The following UBXN2B variants were observed in gnomAD, a reference collection of about 807,000 sequenced individuals.
UBXN2B encodes the protein UBX domain-containing protein 2B.
A neutral mutation model predicts 37.5 loss-of-function variants in UBXN2B; 19 were observed. The ratio of observed to expected loss-of-function variants is 0.51; its 90% CI spans 0.35 to 0.74. The LOEUF (loss-of-function observed/expected upper bound fraction) is 0.74, where lower values mean the gene tolerates loss of function less well. Among genes scored for constraint, UBXN2B ranks in the 30% least tolerant of loss-of-function variants. The pLI is 0.01. For synonymous variants in UBXN2B, 145 were observed against 143.8 expected, an observed-to-expected ratio of 1.01 and a Z score of -0.06; for missense variants, 370 against 393.2, an observed-to-expected ratio of 0.94 and a Z score of 0.50.
intron 1 of UBXN2B, among the ~76,000 whole-genome samples, chr8:58,414,638 A>C (rs981577725): frequency 3.3e-5 from 5 of 152,034 alleles, no homozygotes; most frequent in Non-Finnish European, 7.4e-5. Context: ...ATGTAATGTC[A>C]TCTATGTTAA....
intron 2 of UBXN2B, among the ~76,000 whole-genome samples, chr8:58,418,241 C>CAAAA (rs56073006): frequency 1.8e-5 from 2 of 109,104 alleles, no homozygotes; most frequent in African/African-American, 3.7e-5. Context: ...ACTCTGTCTC[C>CAAAA]AAAAAAAAAA....
At chr8:58,411,545 G>A in intron 1 of UBXN2B, 76 bp downstream of exon 1, 1 of 1,130,816 alleles carries the variant, frequency 8.8e-7, no homozygotes, top group African/African-American at 1.6e-5. Context: ...GCGAGTTGGA[G>A]GCCACCTCTG....
intron 3 of UBXN2B, among the ~76,000 whole-genome samples, chr8:58,432,265 G>C (rs1808298396): frequency 2.0e-5 from 3 of 151,612 alleles, no homozygotes; most frequent in African/African-American, 7.3e-5. Context: ...TAAGGTGTGA[G>C]GTTGACACCA....
Position 58,447,374 on chromosome 8 carries a change from G to T in UBXN2B, c.834-15G>T. Reference sequence around the variant, plus strand: ...ATTTTTTATATTACAAATTATTTTTGTCTTATTTCTTCAGGATCCTGGATG... The same window carrying T: ...ATTTTTTATATTACAAATTATTTTTTTCTTATTTCTTCAGGATCCTGGATG... On this transcript the variant is annotated splice_polypyrimidine_tract_variant and intron_variant, in intron 7 of 7. Transcript: ENST00000399598. 2 of 1,534,900 alleles carry T rather than the reference G, an allele frequency of 1.3e-6. No homozygotes were observed. Among genetic ancestry groups the T allele is most frequent in the Middle Eastern group, 2.4e-4 (1 of 4,182 alleles).
chr8:58,439,534 G>T, intron 5 of UBXN2B, 99 bp from the exon 6 acceptor site: 1 of 1,416,754 alleles, frequency 7.1e-7, no homozygotes, highest in East Asian at 2.5e-5. Context: ...AAAAAATTCT[G>T]TTTTCCAGTG....
intron 6 of UBXN2B, among the ~76,000 whole-genome samples, chr8:58,442,762 A>G (rs758999795): frequency 3.3e-5 from 5 of 152,220 alleles, no homozygotes; most frequent in Non-Finnish European, 7.3e-5. Flanking sequence ...AGGGAGGACT[A>G]GCGAGTAGGC....
chr8:58,411,442 G>A lies in UBXN2B; in HGVS notation c.57G>A (p.Pro19=). The A allele has an allele frequency of 7.9e-7, 1 of 1,258,494 alleles. No homozygotes were observed. The highest frequency in any genetic ancestry group is 1.0e-6 in the Non-Finnish European group (1 of 996,116). The allele number at this position is 1,258,494 out of a possible 1,614,324, so 78.0% of individuals were successfully genotyped here. ...AGCAGGAGAGGAGGTCTTCCGGGCC[G>A]CGGCCTCCGAGCGCGCGGGATTTGC... ...PGEQERRSSG[P]RPPSARDLQL... Residue 19 remains proline (P), a synonymous_variant, in exon 1 of 8, where the codon CCG becomes CCA. Transcript: ENST00000399598.
rs138807574 is a variant in UBXN2B, at chr8:58,437,901, A to G, written c.534-1732A>G. ...AGAGCCTAGCCTAGTGCTACTAATC[A>G]AGATGATGGGAAGAAAGCCTTGAAG... On this transcript the variant is annotated intron_variant, in intron 5 of 7. Transcript: ENST00000399598. Among the ~76,000 whole-genome samples the G allele has an allele frequency of 3.5e-3, 538 of 152,218 alleles. 6 individuals are homozygous for G. The highest frequency in any genetic ancestry group is 0.012 in the African/African-American group (512 of 41,560).
At position 58,450,062 on chromosome 8, in the gene UBXN2B, A is replaced by G. The variant is rs1808769761; in HGVS notation, c.*2511A>G. On this transcript the variant is annotated 3_prime_UTR_variant, in exon 8 of 8. Transcript: ENST00000399598. ...TTCAAAGAGTCTTGTGTGTGACCTGATATTCAGACCTTTTGATGTTTCTGA... is the reference window on the plus strand; with the variant it reads ...TTCAAAGAGTCTTGTGTGTGACCTGGTATTCAGACCTTTTGATGTTTCTGA... 6.6e-6 allele frequency: 1 copy of G among 152,168 alleles called. No individual in the cohort carries two copies. The highest frequency in any genetic ancestry group is 2.1e-4 in the South Asian group (1 of 4,832). 9.4% of individuals were successfully genotyped at this position (152,168 alleles called of 1,614,324 possible). A position where few individuals can be genotyped will look rare whatever the true frequency, so the allele number is the denominator to read the frequency against.
chr8:58,414,147 T>TA (rs1807712379), intron 1 of UBXN2B, among the ~76,000 whole-genome samples: 2 of 152,372 alleles, frequency 1.3e-5, no homozygotes, highest in East Asian at 3.9e-4. Flanking sequence ...GCTGTTCTGA[T>TA]AACTGTGTTG....
chr8:58,412,201 T>C (rs1033083225), intron 1 of UBXN2B, among the ~76,000 whole-genome samples: 4 of 152,224 alleles, frequency 2.6e-5, no homozygotes, highest in Admixed American at 1.3e-4. Flanking sequence ...AGTAAGGAGA[T>C]ACTAAGGAGA....
chr8:58,439,891 T>C, intron 6 of UBXN2B, 121 bp downstream of exon 6: 1 of 789,108 alleles, frequency 1.3e-6, no homozygotes, highest in East Asian at 2.9e-5. Context: ...ATTAGATATA[T>C]ACATCTGTTA....
chr8:58,437,662 G>A (rs1157693332), intron 5 of UBXN2B, among the ~76,000 whole-genome samples: 1 of 152,130 alleles, frequency 6.6e-6, no homozygotes, highest in Non-Finnish European at 1.5e-5. Context: ...CATTCAAGAG[G>A]CTTTGTGGCA....
Position 58,447,402 on chromosome 8 carries a change from C to T in UBXN2B, c.847C>T (p.Arg283Trp), listed in dbSNP as rs1345383179. The T allele has an allele frequency of 3.8e-6, 6 of 1,592,970 alleles. No homozygotes were observed. Among genetic ancestry groups the T allele is most frequent in the East Asian group, 2.2e-5 (1 of 44,652 alleles). ...FNSTHRILDV[R>W]NFIVQSRPEF... ...TTATTTCTTCAGGATCCTGGATGTC[C>T]GGAACTTTATTGTACAGTCTCGTCC... Residue 283 changes from arginine to tryptophan, a missense_variant, in exon 8 of 8, where the codon CGG becomes TGG. By Grantham distance (101) the Arg-to-Trp change is moderately radical. Around this residue, in one of 3 missense-constraint regions of UBXN2B, gnomAD observed 83 missense variants for 83.5 expected, o/e 0.99. Transcript: ENST00000399598.
intron 2 of UBXN2B, chr8:58,426,457 C>T: frequency 1.2e-5 from 8 of 671,658 alleles, no homozygotes; most frequent in East Asian, 1.1e-4. Context: ...ATCCGCCCTC[C>T]TCAGCCTCCC....
rs573238434 is a variant in UBXN2B at position 58,427,909 on chromosome 8, A to G, written c.189-2610A>G. On this transcript the variant is annotated intron_variant, in intron 2 of 7. Coordinates refer to ENST00000399598, the MANE Select transcript of UBXN2B (RefSeq NM_001077619.2). Reference sequence around the variant, plus strand: ...ATTTATGTAAGAGGAGGAGGAAGAAAACTCAGTAAAATAGAGAAGGAGATG... The same window carrying G: ...ATTTATGTAAGAGGAGGAGGAAGAAGACTCAGTAAAATAGAGAAGGAGATG... 2.0e-5 allele frequency among the ~76,000 whole-genome samples: 3 copies of G among 152,308 alleles called. No homozygotes were observed. The South Asian group carries it at 6.2e-4, about 32-fold the overall frequency.
At chr8:58,447,277 AAC>A (rs1014051412) in intron 7 of UBXN2B, 110 bp from the exon 8 acceptor site, 2 of 990,496 alleles carry the variant, frequency 2.0e-6, no homozygotes, top group African/African-American at 3.3e-5. Flanking sequence ...AGAAAGTTAC[AAC>A]ACCTTTATAT....
chr8:58,412,686 A>G (rs984996883), intron 1 of UBXN2B, among the ~76,000 whole-genome samples: 11 of 152,144 alleles, frequency 7.2e-5, no homozygotes, highest in African/African-American at 2.7e-4. Flanking sequence ...AGTCCCACCA[A>G]TTTTGGTTTG....
intron 2 of UBXN2B, among the ~76,000 whole-genome samples, chr8:58,428,605 A>G (rs964706277): frequency 6.6e-6 from 1 of 152,216 alleles, no homozygotes; most frequent in Non-Finnish European, 1.5e-5. Context: ...TGTACTACAG[A>G]TGCCTATCTT....
Sources: gnomAD v4.1 joint callset for allele counts (sites outside exome capture counted in the v4.1 genomes callset) on GRCh38, gnomAD v4.1.1 for gene constraint, gnomAD v4.1.1 regional missense constraint, MANE v1.5 for transcripts, NCBI Gene and HGNC (gene_info 2026-07-23, HGNC 2026-07-21) for gene names.